NELL2: variants seen among roughly 807,000 people sequenced by gnomAD.
The protein encoded by NELL2 is neural EGFL like 2.
NELL2 carries 41 observed loss-of-function variants against 109.6 expected under a neutral mutation model. The observed-to-expected ratio is 0.37, with a 90% CI of 0.29 to 0.49. NELL2 has a LOEUF of 0.49. Among genes scored for constraint, NELL2 ranks in the 20% least tolerant of loss-of-function variants. The pLI is 0.98. For synonymous variants in NELL2, 355 were observed against 344.7 expected, an observed-to-expected ratio of 1.03 and a Z score of -0.33; for missense variants, 900 against 1,008.3, an observed-to-expected ratio of 0.89 and a Z score of 1.45.
chr12:44,657,310 G>C (rs898553719), intron 13 of NELL2, among the ~76,000 whole-genome samples: 3 of 152,118 alleles, frequency 2.0e-5, no homozygotes, highest in Admixed American at 2.0e-4. Context: ...TCACTGGAGA[G>C]AGAAAGAAAA....
intron 3 of NELL2, among the ~76,000 whole-genome samples, chr12:44,803,225 C>G (rs1437262966): frequency 1.2e-5 from 1 of 80,118 alleles, no homozygotes; most frequent in Admixed American, 1.2e-4. Context: ...ACTGGAACTG[C>G]TCCAGATTGA....
rs568648485 is a variant in NELL2, at chr12:44,681,139, T to C, written c.1319-15530A>G. 1.5e-4 allele frequency among the ~76,000 whole-genome samples: 22 copies of C among 151,238 alleles called. 1 individual carries two copies. The South Asian group carries it at 4.1e-3, about 28-fold the overall frequency. On this transcript the variant is annotated intron_variant, in intron 12 of 19. Transcript: ENST00000429094. ...TCTTAAATATTTATTCATTGGATAG[T>C]CATACATATCCATGTCAATATACAT... is the stretch of plus-strand genomic sequence containing the variant.
intron 1 of NELL2, among the ~76,000 whole-genome samples, chr12:44,921,124 C>A (rs887827093): frequency 6.6e-6 from 1 of 152,164 alleles, no homozygotes; most frequent in Non-Finnish European, 1.5e-5. Flanking sequence ...AGCACCCAAA[C>A]TGACATTTGT....
chr12:44,610,721 A>T, intron 14 of NELL2, 127 bp downstream of exon 14: 1 of 1,333,502 alleles, frequency 7.5e-7, no homozygotes, highest in Non-Finnish European at 1.0e-6. Context: ...TGAGCCACAC[A>T]CCAAAGCTTT....
Position 44,651,756 on chromosome 12 carries a change from T to C in NELL2, c.1444+13728A>G, listed in dbSNP as rs552172914. On this transcript the variant is annotated intron_variant, in intron 13 of 19. Coordinates refer to ENST00000429094, the MANE Select transcript of NELL2 (RefSeq NM_001145108.2). ...ATCATGGGTCACAAGCCAAAAATGC[T>C]CCAATTTGTGGGTCAGACAGATAAA... is the stretch of plus-strand genomic sequence containing the variant. Among the ~76,000 whole-genome samples the C allele has an allele frequency of 3.2e-4, 49 of 152,242 alleles. 2 individuals are homozygous for C. The South Asian group carries it at 6.0e-3, about 19-fold the overall frequency.
chr12:44,687,517 C>G (rs1322496118), intron 12 of NELL2, among the ~76,000 whole-genome samples: 3 of 152,168 alleles, frequency 2.0e-5, no homozygotes, highest in Non-Finnish European at 2.9e-5. Flanking sequence ...ATCTCCAAGC[C>G]TTTTTTTCAG....
At position 44,574,438 on chromosome 12, in the gene NELL2, C is replaced by T. The variant is rs1407385967; in HGVS notation, c.1663+32731G>A. ...ACATCAAGGACTTTATTAATATTGT[C>T]TTAAATTTAAAAATGCAGTGAAAAT... is the stretch of plus-strand genomic sequence containing the variant. On this transcript the variant is annotated intron_variant, in intron 15 of 19. Coordinates refer to ENST00000429094, the MANE Select transcript of NELL2 (RefSeq NM_001145108.2). 2.0e-4 allele frequency among the ~76,000 whole-genome samples: 31 copies of T among 152,104 alleles called. No homozygotes were observed. In the East Asian group the frequency reaches 5.4e-3, roughly 27 times the overall value.
intron 15 of NELL2, among the ~76,000 whole-genome samples, chr12:44,534,663 T>C (rs1024163560): frequency 2.0e-5 from 3 of 152,172 alleles, no homozygotes; most frequent in Non-Finnish European, 4.4e-5. Flanking sequence ...GAATTGATTA[T>C]GTCATTTCTT....
chr12:44,657,265 T>A (rs34560815), intron 13 of NELL2, among the ~76,000 whole-genome samples: 19,353 of 152,218 alleles, frequency 0.13, 1,456 homozygotes, highest in East Asian at 0.21. Context: ...TAGTGATAAC[T>A]TCTTTAAATA....
intron 2 of NELL2, among the ~76,000 whole-genome samples, chr12:44,831,215 A>C (rs927062133): frequency 6.6e-6 from 1 of 152,042 alleles, no homozygotes; most frequent in African/African-American, 2.4e-5. Context: ...CCTTACTGGG[A>C]GCTCTATAAT....
At chr12:44,826,347 T>C (rs1000712132) in intron 2 of NELL2, among the ~76,000 whole-genome samples, 1 of 152,198 alleles carries the variant, frequency 6.6e-6, no homozygotes, top group Non-Finnish European at 1.5e-5. Flanking sequence ...TATCATTTTT[T>C]TTCAGTACTT....
intron 13 of NELL2, among the ~76,000 whole-genome samples, chr12:44,652,863 G>A (rs984008264): frequency 6.6e-6 from 1 of 152,198 alleles, no homozygotes; most frequent in Non-Finnish European, 1.5e-5. Flanking sequence ...CCAGCTGCTA[G>A]AGGATGTCTA....
chr12:44,731,028 G>A (rs1050390361), intron 9 of NELL2, among the ~76,000 whole-genome samples: 1 of 151,954 alleles, frequency 6.6e-6, no homozygotes, highest in Non-Finnish European at 1.5e-5. Context: ...TAGAAGAAAT[G>A]GATAAATTTT....
intron 12 of NELL2, among the ~76,000 whole-genome samples, chr12:44,665,970 G>C (rs1947911266): frequency 6.6e-6 from 1 of 152,140 alleles, no homozygotes; most frequent in Non-Finnish European, 1.5e-5. Context: ...ACATATTATT[G>C]TTTGATTCAC....
chr12:44,637,634 C>T (rs187711550), intron 13 of NELL2, among the ~76,000 whole-genome samples: 17 of 149,160 alleles, frequency 1.1e-4, no homozygotes, highest in Admixed American at 4.1e-4. Flanking sequence ...AGGGAATACG[C>T]GTGTAAAGAC....
chr12:44,588,408 C>T (rs80122782), intron 15 of NELL2, among the ~76,000 whole-genome samples: 1,564 of 152,162 alleles, frequency 0.01, 14 homozygotes, highest in South Asian at 0.03. Flanking sequence ...TGAAGGAAAC[C>T]TCTCTCTCAT....
At position 44,747,219 on chromosome 12, in the gene NELL2, T is replaced by C. The variant is rs1347752682; in HGVS notation, c.994+27528A>G. On this transcript the variant is annotated intron_variant, in intron 9 of 19. Transcript: ENST00000429094. The stretch of plus-strand genomic sequence containing the variant: ...CAAGGACAAAAAACCAAACACCACA[T>C]GTTCTCACTCATATGTGGGAATTGA... 7.9e-5 allele frequency among the ~76,000 whole-genome samples: 12 copies of C among 152,006 alleles called. No homozygotes were observed. The East Asian group carries it at 1.9e-3, about 25-fold the overall frequency.
intron 12 of NELL2, among the ~76,000 whole-genome samples, chr12:44,672,950 A>C (rs942148744): frequency 6.6e-6 from 1 of 152,186 alleles, no homozygotes; most frequent in Admixed American, 6.5e-5. Flanking sequence ...AAAAACAAAA[A>C]GGCTATTGAA....
intron 2 of NELL2, among the ~76,000 whole-genome samples, chr12:44,841,716 A>T (rs1944230434): frequency 6.6e-6 from 1 of 152,168 alleles, no homozygotes; most frequent in Non-Finnish European, 1.5e-5. Context: ...CTGGCAGTAA[A>T]CATCTCCTGG....
Sources: gnomAD v4.1 joint callset for allele counts (sites outside exome capture counted in the v4.1 genomes callset) on GRCh38, gnomAD v4.1.1 for gene constraint, MANE v1.5 for transcripts, NCBI Gene and HGNC (gene_info 2026-07-23, HGNC 2026-07-21) for gene names.